CAST: variants seen among roughly 807,000 people sequenced by gnomAD.
CAST encodes the protein calpastatin.
In CAST, 76 loss-of-function variants were observed where a neutral mutation model predicts 119.6. The ratio of observed to expected loss-of-function variants is 0.64; its 90% CI spans 0.53 to 0.77. CAST has a LOEUF of 0.77. Among genes scored for constraint, CAST ranks in the 30% least tolerant of loss-of-function variants. The pLI is 0.00. For missense variants in CAST, 953 were observed against 946.5 expected (o/e 1.01, Z -0.09); for synonymous variants, 319 against 331.6 (o/e 0.96, Z 0.41).
chr5:96,084,233 A>G, the CAST span, among the ~76,000 whole-genome samples: 1 of 152,218 alleles, frequency 6.6e-6, no homozygotes, highest in Non-Finnish European at 1.5e-5. Flanking sequence ...GGTGGTTACA[A>G]GAGAAAAAGG....
intron 1 of CAST, among the ~76,000 whole-genome samples, chr5:96,539,682 T>C (rs1210109785): frequency 1.3e-5 from 2 of 152,278 alleles, no homozygotes; most frequent in Admixed American, 6.5e-5. Flanking sequence ...GAACCACTTA[T>C]ATTAAAAGTG....
At chr5:96,412,836 G>T in the CAST span, 1 of 485,044 alleles carries the variant, frequency 2.1e-6, no homozygotes, top group Non-Finnish European at 2.8e-6. Context: ...AAGTGGAGCA[G>T]CATCCTTGGA....
the CAST span, among the ~76,000 whole-genome samples, chr5:96,262,656 A>C: frequency 5.9e-5 from 9 of 152,048 alleles, no homozygotes; most frequent in Non-Finnish European, 1.3e-4. Context: ...CAGCCTCCCG[A>C]GTAGCTGGGA....
the CAST span, among the ~76,000 whole-genome samples, chr5:96,349,640 C>T: frequency 1.3e-5 from 2 of 151,510 alleles, no homozygotes; most frequent in East Asian, 3.9e-4. Flanking sequence ...TTTTCAATTG[C>T]ATACTTCATT....
chr5:96,120,091 TC>T, the CAST span, among the ~76,000 whole-genome samples: 1 of 152,152 alleles, frequency 6.6e-6, no homozygotes. Context: ...ATAAATAGCT[TC>T]CTAGTCTAGG....
chr5:96,728,918 C>G (rs1444113164), intron 6 of CAST: 1 of 469,720 alleles, frequency 2.1e-6, no homozygotes, highest in Non-Finnish European at 3.9e-6. Context: ...AGATGAAATA[C>G]TGAATTTTTC....
intron 1 of CAST, among the ~76,000 whole-genome samples, chr5:96,640,241 T>G (rs17476752): frequency 0.097 from 14,783 of 152,200 alleles, 1,024 homozygotes; most frequent in Non-Finnish European, 0.15. Context: ...TGGTGCTTCT[T>G]GGATTACGCT....
chr5:96,421,903 T>G, the CAST span: 2 of 1,581,442 alleles, frequency 1.3e-6, no homozygotes, highest in Admixed American at 1.7e-5. Flanking sequence ...TGGGATCATA[T>G]CGGGGAAATG....
At chr5:96,718,073 T>A (rs1328492330) in intron 3 of CAST, among the ~76,000 whole-genome samples, 1 of 152,116 alleles carries the variant, frequency 6.6e-6, no homozygotes, top group African/African-American at 2.4e-5. Context: ...TGGCACTGAA[T>A]CAACAGGTGA....
At chr5:96,395,491 A>G in the CAST span, among the ~76,000 whole-genome samples, 5 of 152,216 alleles carry the variant, frequency 3.3e-5, no homozygotes, top group African/African-American at 9.7e-5. Flanking sequence ...TGTCCTCTGC[A>G]GGGACATGGA....
At chr5:96,458,405 T>C in the CAST span, among the ~76,000 whole-genome samples, 1 of 152,198 alleles carries the variant, frequency 6.6e-6, no homozygotes, top group Admixed American at 6.6e-5. Flanking sequence ...AAGTCATTAC[T>C]ACACTTTGAG....
At chr5:96,216,169 G>T in the CAST span, among the ~76,000 whole-genome samples, 1 of 152,032 alleles carries the variant, frequency 6.6e-6, no homozygotes, top group African/African-American at 2.4e-5. Flanking sequence ...ACAGTATATA[G>T]GACATAAACA....
At chr5:96,617,600 T>C (rs537838244) in intron 1 of CAST, among the ~76,000 whole-genome samples, 181 of 151,548 alleles carry the variant, frequency 1.2e-3, no homozygotes, top group South Asian at 5.5e-3. Flanking sequence ...CCATCCTGGC[T>C]AACACAGTGA....
chr5:96,177,707 G>C, the CAST span, among the ~76,000 whole-genome samples: 1 of 152,104 alleles, frequency 6.6e-6, no homozygotes, highest in Non-Finnish European at 1.5e-5. Context: ...AAATCTCTTA[G>C]AAAAAGGAGG....
chr5:96,745,760 G>C (rs925552867), intron 16 of CAST, among the ~76,000 whole-genome samples: 1 of 152,190 alleles, frequency 6.6e-6, no homozygotes, highest in Non-Finnish European at 1.5e-5. Flanking sequence ...TTATTGAAGA[G>C]AGTCCTTTTA....
chr5:96,299,807 A>G, the CAST span, among the ~76,000 whole-genome samples: 2 of 152,196 alleles, frequency 1.3e-5, no homozygotes. Flanking sequence ...TTATAGTTGT[A>G]TATATCTTTG....
At chr5:96,280,765 T>TC in the CAST span, among the ~76,000 whole-genome samples, 2 of 152,214 alleles carry the variant, frequency 1.3e-5, no homozygotes, top group Admixed American at 1.3e-4. Context: ...GGTAAGATTT[T>TC]TTTTTTTTTC....
At chr5:96,261,964 T>C in the CAST span, among the ~76,000 whole-genome samples, 12 of 152,314 alleles carry the variant, frequency 7.9e-5, no homozygotes, top group Admixed American at 6.5e-4. Context: ...ATATTATCAT[T>C]TCCATTTTAT....
chr5:96,361,809 C>CTTTTTTTTTTTTTTTTTTTTTTTT, the CAST span, among the ~76,000 whole-genome samples: 3 of 68,638 alleles, frequency 4.4e-5, no homozygotes, highest in African/African-American at 1.3e-4. Context: ...CTCTAGTATG[C>CTTTTTTTTTTTTTTTTTTTTTTTT]TTTTTTTTTT....
Sources: gnomAD v4.1 joint callset for allele counts (sites outside exome capture counted in the v4.1 genomes callset) on GRCh38, gnomAD v4.1.1 for gene constraint, MANE v1.5 for transcripts, NCBI Gene and HGNC (gene_info 2026-07-23, HGNC 2026-07-21) for gene names.